Variants in DNAH3 observed in about 807,000 individuals in gnomAD.
DNAH3 encodes the protein dynein axonemal heavy chain 3.
A neutral mutation model predicts 432.5 loss-of-function variants in DNAH3; 332 were observed. The observed-to-expected ratio is 0.77, with a 90% CI of 0.70 to 0.84. The LOEUF is 0.84. Among genes scored for constraint, DNAH3 ranks in the 40% least tolerant of loss-of-function variants. DNAH3 has a pLI of 0.00. For synonymous variants in DNAH3, 1,956 were observed against 1,900.2 expected (o/e 1.03, Z -0.76); for missense variants, 4,861 against 5,114.0 (o/e 0.95, Z 1.51).
intron 1 of DNAH3, among the ~76,000 whole-genome samples, chr16:21,151,395 A>T (rs572469005): frequency 6.9e-6 from 1 of 145,116 alleles, no homozygotes; most frequent in African/African-American, 2.6e-5. Context: ...ATCTCAGCTC[A>T]CTGCAAGCTC....
chr16:21,145,364 T>C lies in DNAH3; in HGVS notation c.265A>G (p.Thr89Ala), dbSNP rs769129134. Reference sequence around the variant, plus strand: ...AAGGGTGCAGCCAAGGTCCATGACGTGCGTTGCATCAAGGGCGGGTAAAAG... The same window carrying C: ...AAGGGTGCAGCCAAGGTCCATGACGCGCGTTGCATCAAGGGCGGGTAAAAG... Residue 89 changes from threonine to alanine, a missense_variant, in exon 3 of 62, where the codon ACG (threonine) becomes GCG (alanine). Thr to Ala is a moderately conservative substitution (Grantham distance 58). Transcript: ENST00000261383. 1.5e-5 allele frequency: 24 copies of C among 1,614,050 alleles called. No homozygotes were observed. The Admixed American group carries it at 3.3e-4, about 22-fold the overall frequency.
intron 56 of DNAH3, among the ~76,000 whole-genome samples, 169 bp from the exon 57 acceptor site, chr16:20,948,806 G>A (rs1285240484): frequency 1.3e-5 from 2 of 152,118 alleles, no homozygotes; most frequent in African/African-American, 4.8e-5. Context: ...CCCTGCAAGG[G>A]CCCCACCCTC....
chr16:21,037,749 A>AC lies in DNAH3; in HGVS notation c.4950+11dup. On this transcript the variant is annotated intron_variant, in intron 34 of 61. Coordinates refer to ENST00000261383, the Ensembl canonical transcript of DNAH3. ...CCTTGGTCCTCGGCCAAGGTCCTGA[A>AC]CCGCTACATACCTGAAACAGAGGGA... The AC allele has an allele frequency of 6.2e-7, 1 of 1,613,564 alleles. No homozygotes were observed. The highest frequency in any genetic ancestry group is 1.1e-5 in the South Asian group (1 of 91,026).
At chr16:20,980,015 G>C (rs2085783379) in intron 49 of DNAH3, among the ~76,000 whole-genome samples, 1 of 151,862 alleles carries the variant, frequency 6.6e-6, no homozygotes, top group Admixed American at 6.6e-5. Flanking sequence ...CTCCCAAAGT[G>C]CTGGGATTAC....
intron 61 of DNAH3, among the ~76,000 whole-genome samples, chr16:20,933,958 C>T (rs1484950349): frequency 6.6e-6 from 1 of 152,124 alleles, no homozygotes; most frequent in Non-Finnish European, 1.5e-5. Context: ...TTCAGCCTAC[C>T]AACTATTTAA....
intron 41 of DNAH3, among the ~76,000 whole-genome samples, chr16:21,017,915 C>G (rs1000673776): frequency 6.6e-6 from 1 of 152,122 alleles, no homozygotes; most frequent in Non-Finnish European, 1.5e-5. Flanking sequence ...TTTGTATACT[C>G]ACCTTCTAGA....
chr16:21,016,743 G>T (rs1269850327), intron 41 of DNAH3, among the ~76,000 whole-genome samples: 6 of 152,130 alleles, frequency 3.9e-5, no homozygotes, highest in Non-Finnish European at 8.8e-5. Context: ...TAGCCAAAAG[G>T]TGCAAATAAC....
intron 51 of DNAH3, among the ~76,000 whole-genome samples, chr16:20,973,441 T>C (rs1186651925): frequency 2.0e-5 from 3 of 151,988 alleles, no homozygotes; most frequent in Non-Finnish European, 4.4e-5. Flanking sequence ...TTAGTAGAGA[T>C]AAGGTTTTGT....
chr16:21,159,177 C>A, intron 1 of DNAH3: 1 of 830,958 alleles, frequency 1.2e-6, no homozygotes, highest in Non-Finnish European at 2.0e-6. Flanking sequence ...TCTTCTCCAC[C>A]GAGGTCCCCT....
At chr16:21,045,274 G>A (rs1252782934) in intron 31 of DNAH3, among the ~76,000 whole-genome samples, 1 of 151,706 alleles carries the variant, frequency 6.6e-6, no homozygotes, top group Non-Finnish European at 1.5e-5. Context: ...TGTACCTCTG[G>A]TAGAATTCGG....
chr16:21,136,498 G>T (rs968970567), exon 6 of DNAH3: 4 of 1,614,004 alleles, frequency 2.5e-6, no homozygotes, highest in Admixed American at 1.7e-5. Context: ...CCATTGGTCA[G>T]ATAGTAATAG....
chr16:21,134,308 G>A (rs1262063256), exon 7 of DNAH3: 1 of 1,614,114 alleles, frequency 6.2e-7, no homozygotes, highest in East Asian at 2.2e-5. Flanking sequence ...TTCACCGTGT[G>A]CAGATGCTCC....
At chr16:20,974,188 T>A (rs987841109) in intron 51 of DNAH3, among the ~76,000 whole-genome samples, 1 of 151,600 alleles carries the variant, frequency 6.6e-6, no homozygotes, top group Non-Finnish European at 1.5e-5. Context: ...GCTGGCTAAT[T>A]TTTTTTTACA....
chr16:21,023,918 C>T (rs372088178), intron 39 of DNAH3, among the ~76,000 whole-genome samples: 2 of 151,988 alleles, frequency 1.3e-5, no homozygotes, highest in South Asian at 4.2e-4. Flanking sequence ...ACATAATCTC[C>T]CAAAGAGTTT....
chr16:21,139,320 C>CTTTTTTTTTTTTTTTTTTTTTTTTTTTTT lies in DNAH3; in HGVS notation c.696+1187_696+1215dup, dbSNP rs9302391. On this transcript the variant is annotated intron_variant, in intron 5 of 61. Coordinates refer to ENST00000261383, the Ensembl canonical transcript of DNAH3. ...AATGTAGCTTGAGACTTTCCTCATG[C>CTTTTTTTTTTTTTTTTTTTTTTTTTTTTT]TTTTTTTTTTTTTTTTTTTTTTTTT... Among the ~76,000 whole-genome samples, 5 of 29,630 alleles carry CTTTTTTTTTTTTTTTTTTTTTTTTTTTTT rather than the reference C, an allele frequency of 1.7e-4. 2 individuals are homozygous for CTTTTTTTTTTTTTTTTTTTTTTTTTTTTT. Among genetic ancestry groups the CTTTTTTTTTTTTTTTTTTTTTTTTTTTTT allele is most frequent in the East Asian group, 2.8e-3 (2 of 702 alleles). The allele number at this position is 29,630 out of a possible 152,430, so 19.4% of individuals were successfully genotyped here. A position where few individuals can be genotyped will look rare whatever the true frequency, so the allele number is the denominator to read the frequency against.
At chr16:20,952,881 C>T (rs2084378792) in intron 55 of DNAH3, among the ~76,000 whole-genome samples, 1 of 152,160 alleles carries the variant, frequency 6.6e-6, no homozygotes, top group South Asian at 2.1e-4. Context: ...AACACCGCGG[C>T]ATGGCTAGAC....
intron 57 of DNAH3, 21 bp downstream of exon 57, chr16:20,948,462 G>A: frequency 6.2e-6 from 10 of 1,609,840 alleles, no homozygotes; most frequent in Non-Finnish European, 7.6e-6. Context: ...AAAGAGGTAG[G>A]CCTCCCTGCC....
chr16:21,100,187 A>T (rs932143008), intron 16 of DNAH3, among the ~76,000 whole-genome samples: 1 of 151,996 alleles, frequency 6.6e-6, no homozygotes, highest in Non-Finnish European at 1.5e-5. Context: ...TTCTCCAGCC[A>T]CAGCCTCCCA....
At chr16:20,992,556 C>G (rs2086601659) in intron 44 of DNAH3, among the ~76,000 whole-genome samples, 2 of 152,170 alleles carry the variant, frequency 1.3e-5, no homozygotes. Context: ...CCGTGTTAGC[C>G]AGGTCGATCT....
Sources: allele counts gnomAD v4.1 joint callset (sites outside exome capture counted in the v4.1 genomes callset), GRCh38; gene constraint gnomAD v4.1.1; transcripts MANE v1.5; gene names NCBI Gene and HGNC (gene_info 2026-07-23, HGNC 2026-07-21).